NPHP4: variants seen among roughly 807,000 people sequenced by gnomAD.
NPHP4 encodes nephrocystin-4.
A neutral mutation model predicts 155.8 loss-of-function variants in NPHP4; 151 were observed. The observed-to-expected ratio is 0.97, with a 90% CI of 0.85 to 1.11. The LOEUF is 1.11. NPHP4 is among the 50% of genes least tolerant of loss of function. The pLI is 0.00. For synonymous variants in NPHP4, 845 were observed against 816.8 expected (o/e 1.03, Z -0.59); for missense variants, 1,956 against 1,925.7 (o/e 1.02, Z -0.29).
intron 5 of NPHP4, 110 bp downstream of exon 5, chr1:5,967,189 A>G (rs1651675695): frequency 2.4e-6 from 2 of 829,816 alleles, no homozygotes; most frequent in African/African-American, 3.4e-5. Context: ...AAATTAGCTA[A>G]GCAGATAGCA....
chr1:5,934,649 C>A (rs1402069931), intron 9 of NPHP4, among the ~76,000 whole-genome samples: 1 of 152,196 alleles, frequency 6.6e-6, no homozygotes, highest in Non-Finnish European at 1.5e-5. Context: ...CAGCCAAGGG[C>A]ATCCCTCTTA....
chr1:5,868,516 T>TCACACACACGCACC (rs1255658394), intron 23 of NPHP4: 1 of 222,272 alleles, frequency 4.5e-6, no homozygotes. Flanking sequence ...ACATGCATAC[T>TCACACACACGCACC]CACACACACG....
At chr1:5,964,934 T>TAAA (rs1651127562) in intron 5 of NPHP4, among the ~76,000 whole-genome samples, 3 of 54,058 alleles carry the variant, frequency 5.5e-5, no homozygotes, top group African/African-American at 1.1e-4. Context: ...TATATATATA[T>TAAA]ATATATATTT....
At chr1:5,875,153 A>G in intron 20 of NPHP4, 53 bp from the exon 21 acceptor site, 2 of 1,405,108 alleles carry the variant, frequency 1.4e-6, no homozygotes, top group South Asian at 1.2e-5. Context: ...TCTCCTCCAC[A>G]AGGGGCTATT....
rs774386141 is a variant in NPHP4, at chr1:5,865,215, G to A, written c.3703C>T (p.Arg1235Cys). 25 of 1,604,656 alleles carry A rather than the reference G, an allele frequency of 1.6e-5. No individual in the cohort carries two copies. Among genetic ancestry groups the A allele is most frequent in the Admixed American group, 6.7e-5 (4 of 59,554 alleles). Reference protein sequence around the residue: ...TWQVYLHSLQRVDVSCVAGQL... With the variant: ...TWQVYLHSLQCVDVSCVAGQL... Reference sequence around the variant, plus strand: ...CCTGCGACGCAGGAGACATCCACGCGCTGCAGGGAGTGGAGGTAGACCTGC... The same window carrying A: ...CCTGCGACGCAGGAGACATCCACGCACTGCAGGGAGTGGAGGTAGACCTGC... Residue 1235 changes from arginine (R) to cysteine (C), a missense_variant, in exon 27 of 30, where the codon CGC (arginine) becomes TGC (cysteine). Arg to Cys is a radical substitution (Grantham distance 180, BLOSUM62 -3). Transcript: ENST00000378156.
chr1:5,926,378 CT>C (rs1297172050), intron 11 of NPHP4, among the ~76,000 whole-genome samples: 7 of 152,208 alleles, frequency 4.6e-5, no homozygotes, highest in African/African-American at 1.4e-4. Context: ...TACTATTGTA[CT>C]TTTAAGTAAC....
chr1:5,895,186 G>A (rs1405217177), intron 16 of NPHP4, among the ~76,000 whole-genome samples: 1 of 151,880 alleles, frequency 6.6e-6, no homozygotes, highest in Non-Finnish European at 1.5e-5. Context: ...CTGTCGTGGG[G>A]TGGGGGAAGG....
chr1:5,975,194 G>T (rs928880649), intron 3 of NPHP4, among the ~76,000 whole-genome samples: 13 of 152,190 alleles, frequency 8.5e-5, no homozygotes, highest in Admixed American at 7.2e-4. Flanking sequence ...GTACATGGAT[G>T]TGCACACATG....
intron 13 of NPHP4, among the ~76,000 whole-genome samples, chr1:5,906,859 G>C (rs1644935377): frequency 6.6e-6 from 1 of 152,188 alleles, no homozygotes; most frequent in Admixed American, 6.5e-5. Flanking sequence ...TTGTTTTCAT[G>C]GGTAGAGCAC....
At position 5,977,866 on chromosome 1, in the gene NPHP4, C is replaced by T. The variant is rs1160988118; in HGVS notation, c.279+404G>A. On this transcript the variant is annotated intron_variant, in intron 3 of 29. Coordinates refer to ENST00000378156, the MANE Select transcript of NPHP4 (RefSeq NM_015102.5). ...GGAGGGAAGAAAGGAAGGAAGGGGA[C>T]GGTGAAAGGGAAAGGGAGGGGGAGG... 0.01 allele frequency among the ~76,000 whole-genome samples: 5 copies of T among 496 alleles called. No homozygotes were observed. In the East Asian group the frequency reaches 0.14, roughly 14 times the overall value. 0.3% of individuals were successfully genotyped at this position (496 alleles called of 152,430 possible). A position where few individuals can be genotyped will look rare whatever the true frequency, so the allele number is the denominator to read the frequency against.
In NPHP4 at chr1:5,880,081, C is replaced by T. The variant is rs1444261451; in HGVS notation, c.2611+33G>A. On this transcript the variant is annotated intron_variant, in intron 19 of 29. Transcript: ENST00000378156. ...CACCTCTCACCCACCACTCACGACC[C>T]ACCCACACATGGGCCCAACAGTGTA... 3.1e-6 allele frequency: 5 copies of T among 1,612,116 alleles called. No individual in the cohort carries two copies. The South Asian group carries it at 4.4e-5, about 14-fold the overall frequency.
rs1283182202 is a variant in NPHP4 at position 5,978,306 on chromosome 1, C to T, written c.243G>A (p.Pro81=). 3.1e-6 allele frequency: 5 copies of T among 1,609,128 alleles called. No homozygotes were observed. In the South Asian group the frequency reaches 3.3e-5, roughly 11 times the overall value. ...CGATCCTGGACGGCGGTCTCTTCGT[C>T]GGCTTCACTGTGGTTTTCCACGTCC... The part of the protein sequence containing the change: ...FGRTWKTTVK[P]TKRPPSRIVF... Residue 81 remains proline, a synonymous_variant, in exon 3 of 30, where the codon CCG becomes CCA. Transcript: ENST00000378156.
At position 5,906,688 on chromosome 1, in the gene NPHP4, C is replaced by G. The variant is rs181263014; in HGVS notation, c.1611+427G>C. ...GGCCAGTGGCAATGCCAGTCTTAGCCAGGAGCACACCCTGAAGCCAGGATG... is the reference window on the plus strand; with the variant it reads ...GGCCAGTGGCAATGCCAGTCTTAGCGAGGAGCACACCCTGAAGCCAGGATG... On this transcript the variant is annotated intron_variant, in intron 13 of 29. Transcript: ENST00000378156. 4.2e-3 allele frequency among the ~76,000 whole-genome samples: 644 copies of G among 152,368 alleles called. 5 individuals are homozygous for G. The highest frequency in any genetic ancestry group is 0.014 in the African/African-American group (593 of 41,582).
At chr1:5,893,701 G>A (rs546130044) in intron 16 of NPHP4, among the ~76,000 whole-genome samples, 2 of 152,322 alleles carry the variant, frequency 1.3e-5, no homozygotes, top group African/African-American at 4.8e-5. Context: ...AGAGATGGAG[G>A]AGCAGAGTCT....
chr1:5,907,146 G>A lies in NPHP4; in HGVS notation c.1580C>T (p.Pro527Leu). 3.2e-6 allele frequency: 5 copies of A among 1,578,046 alleles called. No individual in the cohort carries two copies. The highest frequency in any genetic ancestry group is 4.3e-6 in the Non-Finnish European group (5 of 1,160,718). Residue 527 changes from proline (P) to leucine (L), a missense_variant, in exon 13 of 30, where the codon CCC becomes CTC. Coordinates refer to ENST00000378156, the MANE Select transcript of NPHP4 (RefSeq NM_015102.5). Reference protein sequence around the residue: ...HCLARPTSQLPHGSQASPAQA... With the variant: ...HCLARPTSQLLHGSQASPAQA... ...GGCCGGGGAGGCCTGAGAGCCATGG[G>A]GTAGCTGTGAAGTAGGCCTGGCCAA...
intron 3 of NPHP4, among the ~76,000 whole-genome samples, chr1:5,974,008 G>A (rs566662993): frequency 1.3e-5 from 2 of 152,376 alleles, no homozygotes; most frequent in African/African-American, 4.8e-5. Flanking sequence ...ATCGGGCTCT[G>A]CAGCCAGGGC....
In NPHP4 at chr1:5,893,802, C is replaced by A. The variant is rs184899721; in HGVS notation, c.2144-2774G>T. Among the ~76,000 whole-genome samples, 9 of 152,330 alleles carry A rather than the reference C, an allele frequency of 5.9e-5. No individual in the cohort carries two copies. The East Asian group carries it at 1.7e-3, about 29-fold the overall frequency. On this transcript the variant is annotated intron_variant, in intron 16 of 29. Coordinates refer to ENST00000378156, the MANE Select transcript of NPHP4 (RefSeq NM_015102.5). ...CTTGACACTTTTCGCTACCGCTAGACCATGGTCCGCCTGGCAACGGGCGTC... is the reference window on the plus strand; with the variant it reads ...CTTGACACTTTTCGCTACCGCTAGAACATGGTCCGCCTGGCAACGGGCGTC...
chr1:5,962,844 C>A (rs370937030), intron 5 of NPHP4, among the ~76,000 whole-genome samples: 1 of 152,170 alleles, frequency 6.6e-6, no homozygotes, highest in Non-Finnish European at 1.5e-5. Flanking sequence ...AACGGGAGTG[C>A]GGGGAGAGGC....
chr1:5,875,062 T>C lies in NPHP4; in HGVS notation c.2856A>G (p.Leu952=), dbSNP rs373990572. The C allele has an allele frequency of 1.9e-5, 30 of 1,607,382 alleles. No individual in the cohort carries two copies. Among genetic ancestry groups the C allele is most frequent in the Non-Finnish European group, 2.5e-5 (30 of 1,179,754 alleles). The part of the protein sequence containing the change: ...QSVRTQHLRD[L]QVIAAYRERT... ...GTTCCCGGTAGGCGGCGATGACCTG[T>C]AGGTCCCGCAAGTGCTGTGTGCGGA... The change falls in exon 21 of 30, where the codon CTA becomes CTG. Residue 952 remains leucine (L), a synonymous_variant. Coordinates refer to ENST00000378156, the MANE Select transcript of NPHP4 (RefSeq NM_015102.5).
Sources: allele counts gnomAD v4.1 joint callset (sites outside exome capture counted in the v4.1 genomes callset), GRCh38; gene constraint gnomAD v4.1.1; transcripts MANE v1.5; gene names NCBI Gene and HGNC (gene_info 2026-07-23, HGNC 2026-07-21).